The following KCNQ1OT1 variants were observed in gnomAD, a reference collection of about 807,000 sequenced individuals.
The protein encoded by KCNQ1OT1 is KCNQ1 opposite strand/antisense transcript 1, also known as KCNQ1 antisense RNA 2 (non-protein coding).
At chr11:2,667,184 C>G (rs1850090776) in exon 1 of KCNQ1OT1, 1 of 398,566 alleles carries the variant, frequency 2.5e-6, no homozygotes, top group Non-Finnish European at 4.4e-6. Flanking sequence ...TGCCATCAGC[C>G]CAGCTGTGGC....
In KCNQ1OT1 at chr11:2,668,384, A is replaced by G. The variant is rs536598259; in HGVS notation, n.31611T>C. 9 of 398,648 alleles carry G rather than the reference A, an allele frequency of 2.3e-5. No individual in the cohort carries two copies. The highest frequency in any genetic ancestry group is 1.8e-4 in the African/African-American group (9 of 48,754). 24.7% of individuals were successfully genotyped at this position (398,648 alleles called of 1,614,324 possible). The stretch of plus-strand genomic sequence containing the variant: ...TTACTCTTAGTGAATACTACCCAGC[A>G]GTCTACCAAAGGAGTCATTCCAATT... On this transcript the variant is annotated non_coding_transcript_exon_variant, in exon 1 of 1. Coordinates refer to ENST00000597346, the Ensembl canonical transcript of KCNQ1OT1. The surrounding 1 kb of genome is among the most constrained non-coding windows in gnomAD (Gnocchi z 4.3).
rs1231797305 is a variant in KCNQ1OT1 at position 2,652,792 on chromosome 11, C to T, written n.47203G>A. The T allele has an allele frequency of 1.0e-5, 4 of 399,004 alleles. No individual in the cohort carries two copies. Among genetic ancestry groups the T allele is most frequent in the Non-Finnish European group, 1.8e-5 (4 of 226,504 alleles). 24.7% of individuals were successfully genotyped at this position (399,004 alleles called of 1,614,324 possible). A position where few individuals can be genotyped will look rare whatever the true frequency, so the allele number is the denominator to read the frequency against. ...TCCTCAGCGCCCCCGCTACTCAGAC[C>T]CCACCCTTGGGCCTGCAGAGACATT... On this transcript the variant is annotated non_coding_transcript_exon_variant, in exon 1 of 1. Transcript: ENST00000597346. The surrounding 1 kb of genome is among the most constrained non-coding windows in gnomAD (Gnocchi z 5.9).
chr11:2,645,467 T>C lies in KCNQ1OT1; in HGVS notation n.54528A>G, dbSNP rs1849651927. On this transcript the variant is annotated non_coding_transcript_exon_variant, in exon 1 of 1. Transcript: ENST00000597346. This position sits in a 1 kb window ranked among gnomAD's most constrained non-coding sequence, Gnocchi z 5.8. ...TGGTAGGCAGGCACAGGAAGATCCC[T>C]GTATACCCTGCTGAATGCTCATGTT... 2.5e-6 allele frequency: 1 copy of C among 398,608 alleles called. No individual in the cohort carries two copies. The highest frequency in any genetic ancestry group is 4.4e-5 in the Admixed American group (1 of 22,724). The allele number at this position is 398,608 out of a possible 1,614,324, so 24.7% of individuals were successfully genotyped here. A position where few individuals can be genotyped will look rare whatever the true frequency, so the allele number is the denominator to read the frequency against.
chr11:2,619,209 T>C (rs1589985063), exon 1 of KCNQ1OT1: 2 of 398,584 alleles, frequency 5.0e-6, no homozygotes, highest in Non-Finnish European at 4.4e-6. Flanking sequence ...CTTCCAGTAC[T>C]ATGTTGAGTA....
At chr11:2,615,263 A>G (rs11023474) in exon 1 of KCNQ1OT1, 5,553 of 398,024 alleles carry the variant, frequency 0.014, 151 homozygotes, top group African/African-American at 0.059. Context: ...GTACCCTGCA[A>G]TTTTGCTGGA....
exon 1 of KCNQ1OT1, chr11:2,634,940 G>C (rs1849433382): frequency 6.6e-6 from 1 of 152,210 alleles, no homozygotes; most frequent in Non-Finnish European, 1.5e-5. Context: ...CAGTGATGAT[G>C]AGCATTTTTT....
At chr11:2,643,535 T>C (rs899013896) in exon 1 of KCNQ1OT1, 1 of 398,554 alleles carries the variant, frequency 2.5e-6, no homozygotes, top group African/African-American at 2.1e-5. Flanking sequence ...CTTTCAACTA[T>C]GTGTCTTTAC....
Position 2,624,876 on chromosome 11 carries a change from A to AT in KCNQ1OT1, n.75118dup. The AT allele has an allele frequency of 2.5e-6, 1 of 398,536 alleles. No homozygotes were observed. Among genetic ancestry groups the AT allele is most frequent in the Non-Finnish European group, 4.4e-6 (1 of 226,054 alleles). The allele number at this position is 398,536 out of a possible 1,614,324, so 24.7% of individuals were successfully genotyped here. A position where few individuals can be genotyped will look rare whatever the true frequency, so the allele number is the denominator to read the frequency against. On this transcript the variant is annotated non_coding_transcript_exon_variant, in exon 1 of 1. Transcript: ENST00000597346. The surrounding 1 kb of genome is among the most constrained non-coding windows in gnomAD (Gnocchi z 4.9). The stretch of plus-strand genomic sequence containing the variant: ...TGACTGCTGTATTTCATTTAACATA[A>AT]TGGCCTCGAGGTTCATCCATGTTGT...
At chr11:2,610,629 A>G (rs1848964203) in exon 1 of KCNQ1OT1, 1 of 397,802 alleles carries the variant, frequency 2.5e-6, no homozygotes, top group South Asian at 1.3e-4. Flanking sequence ...TCTGCTAACA[A>G]GGAATTCTGT....
chr11:2,693,861 C>T (rs1001186730), exon 1 of KCNQ1OT1: 15 of 398,804 alleles, frequency 3.8e-5, no homozygotes, highest in African/African-American at 2.1e-5. Context: ...GCCCTCCCAT[C>T]CAGGCCTGCT....
At position 2,645,706 on chromosome 11, in the gene KCNQ1OT1, A is replaced by G. The variant is rs1287782636; in HGVS notation, n.54289T>C. On this transcript the variant is annotated non_coding_transcript_exon_variant, in exon 1 of 1. Transcript: ENST00000597346. The surrounding 1 kb of genome is among the most constrained non-coding windows in gnomAD (Gnocchi z 5.8). ...CTTTGGCCTGGAGGGAGCAGTCAGGAGTGGCAACCAGCTTTGTGTAAGGGA... is the reference window on the plus strand; with the variant it reads ...CTTTGGCCTGGAGGGAGCAGTCAGGGGTGGCAACCAGCTTTGTGTAAGGGA... 5.0e-6 allele frequency: 2 copies of G among 398,832 alleles called. No homozygotes were observed. The highest frequency in any genetic ancestry group is 2.1e-5 in the African/African-American group (1 of 48,732). The allele number at this position is 398,832 out of a possible 1,614,324, so 24.7% of individuals were successfully genotyped here. A position where few individuals can be genotyped will look rare whatever the true frequency, so the allele number is the denominator to read the frequency against.
rs1352128075 is a variant in KCNQ1OT1, at chr11:2,697,027, G to GC, written n.2967dup. 20 of 398,316 alleles carry GC rather than the reference G, an allele frequency of 5.0e-5. No homozygotes were observed. In the East Asian group the frequency reaches 5.7e-4, roughly 11 times the overall value. 24.7% of individuals were successfully genotyped at this position (398,316 alleles called of 1,614,324 possible). On this transcript the variant is annotated non_coding_transcript_exon_variant, in exon 1 of 1. Transcript: ENST00000597346. ...AAGTGTAGTCTGGGGATTCCAGAGA[G>GC]CCCCCCAGACCCTTTCAGGAAAGGT...
In KCNQ1OT1 at chr11:2,654,632, C is replaced by T. The variant is rs1849810207; in HGVS notation, n.45363G>A. The T allele has an allele frequency of 2.5e-6, 1 of 398,668 alleles. No homozygotes were observed. The highest frequency in any genetic ancestry group is 4.4e-6 in the Non-Finnish European group (1 of 226,250). 24.7% of individuals were successfully genotyped at this position (398,668 alleles called of 1,614,324 possible). A position where few individuals can be genotyped will look rare whatever the true frequency, so the allele number is the denominator to read the frequency against. ...GAAGTTACTAGGAAGGGCCCAGACA[C>T]TGGCGAGAGTCTCTTGAGGGCAGAG... is the stretch of plus-strand genomic sequence containing the variant. On this transcript the variant is annotated non_coding_transcript_exon_variant, in exon 1 of 1. Coordinates refer to ENST00000597346, the Ensembl canonical transcript of KCNQ1OT1. The surrounding 1 kb of genome is among the most constrained non-coding windows in gnomAD (Gnocchi z 6.4).
exon 1 of KCNQ1OT1, chr11:2,609,023 A>G: frequency 2.5e-6 from 1 of 398,042 alleles, no homozygotes; most frequent in Non-Finnish European, 4.4e-6. Flanking sequence ...TATATTCTAT[A>G]TTTTATTTCT....
At chr11:2,641,141 A>T in exon 1 of KCNQ1OT1, 1 of 398,514 alleles carries the variant, frequency 2.5e-6, no homozygotes, top group Admixed American at 4.4e-5. Context: ...GGATGCAGGT[A>T]CATTTTTAGT....
chr11:2,689,575 T>G (rs950396757), exon 1 of KCNQ1OT1: 3 of 398,562 alleles, frequency 7.5e-6, no homozygotes, highest in Non-Finnish European at 1.3e-5. Context: ...TGGAAATCTG[T>G]TAGCAGTGGT....
At chr11:2,641,803 G>A (rs1203667619) in exon 1 of KCNQ1OT1, 3 of 398,248 alleles carry the variant, frequency 7.5e-6, no homozygotes, top group Admixed American at 4.4e-5. Context: ...CCCATCTTGA[G>A]TTGATTTTAG....
exon 1 of KCNQ1OT1, chr11:2,616,986 A>G: frequency 5.0e-6 from 2 of 397,982 alleles, no homozygotes; most frequent in Non-Finnish European, 4.4e-6. Context: ...AATTTTAAAA[A>G]TATGCATATT....
rs189997970 is a variant in KCNQ1OT1 at position 2,688,194 on chromosome 11, G to A, written n.11801C>T. ...AGACAGCTCCCAAGCAAGGGGGCAG[G>A]AGGGGCTGCACTGAGCCCACCAAAG... On this transcript the variant is annotated non_coding_transcript_exon_variant, in exon 1 of 1. Coordinates refer to ENST00000597346, the Ensembl canonical transcript of KCNQ1OT1. 1,646 of 398,868 alleles carry A rather than the reference G, an allele frequency of 4.1e-3. 5 individuals carry two copies. Among genetic ancestry groups the A allele is most frequent in the Non-Finnish European group, 4.9e-3 (1,117 of 226,260 alleles). The allele number at this position is 398,868 out of a possible 1,614,324, so 24.7% of individuals were successfully genotyped here. A position where few individuals can be genotyped will look rare whatever the true frequency, so the allele number is the denominator to read the frequency against.
Sources: allele counts gnomAD v4.1 joint callset, GRCh38; gene constraint gnomAD v4.1.1; non-coding constraint Gnocchi (gnomAD v3.1); transcripts MANE v1.5; gene names NCBI Gene and HGNC (gene_info 2026-07-23, HGNC 2026-07-21).